Variants in NFIC observed in about 807,000 individuals in gnomAD.
The protein encoded by NFIC is nuclear factor 1 C-type.
Under a neutral mutation model 54.4 loss-of-function variants are expected in NFIC, and 12 were observed. The ratio of observed to expected loss-of-function variants is 0.22; its 90% CI spans 0.14 to 0.36. The LOEUF (loss-of-function observed/expected upper bound fraction) is 0.36. NFIC is among the 10% of genes least tolerant of loss of function. NFIC has a pLI of 1.00. For missense variants in NFIC, 575 were observed against 718.2 expected, an observed-to-expected ratio of 0.80 and a Z score of 2.28; for synonymous variants, 322 against 319.2, an observed-to-expected ratio of 1.01 and a Z score of -0.09.
rs183272975 is a variant in NFIC, at chr19:3,397,254, C to G, written c.562+15011C>G. Among the ~76,000 whole-genome samples the G allele has an allele frequency of 1.2e-4, 18 of 152,290 alleles. 1 individual carries two copies. Among genetic ancestry groups the G allele is most frequent in the Admixed American group, 1.1e-3 (17 of 15,292 alleles). On this transcript the variant is annotated intron_variant, in intron 2 of 10. Coordinates refer to ENST00000443272, the MANE Select transcript of NFIC (RefSeq NM_001245002.2). ...CCTAAGGTCACATAGCTAAGGAGCA[C>G]AGTCAGGATTTAAATCCAAGCCTGG...
chr19:3,439,780 C>T (rs1370576884), intron 6 of NFIC, among the ~76,000 whole-genome samples: 3 of 146,972 alleles, frequency 2.0e-5, no homozygotes, highest in Admixed American at 1.4e-4. Flanking sequence ...GCTCCGCCTC[C>T]CGGGTTCATG....
intron 1 of NFIC, among the ~76,000 whole-genome samples, chr19:3,381,022 G>A (rs938196516): frequency 6.6e-6 from 1 of 151,974 alleles, no homozygotes; most frequent in Non-Finnish European, 1.5e-5. Flanking sequence ...AGTTTTACCC[G>A]TCTGTACAAT....
intron 3 of NFIC, among the ~76,000 whole-genome samples, chr19:3,432,664 T>C (rs1050202841): frequency 6.9e-6 from 1 of 144,020 alleles, no homozygotes; most frequent in Non-Finnish European, 1.5e-5. Flanking sequence ...GCCTCCGCTT[T>C]CCGCTCTTTT....
At chr19:3,361,930 A>T (rs1486969912), upstream of NFIC, among the ~76,000 whole-genome samples, 1 of 152,130 alleles carries the variant, frequency 6.6e-6, no homozygotes, top group Non-Finnish European at 1.5e-5. Context: ...ACTCACATAG[A>T]CACACACAGG....
intron 1 of NFIC, among the ~76,000 whole-genome samples, chr19:3,381,010 TCA>T (rs2081196751): frequency 6.6e-6 from 1 of 151,862 alleles, no homozygotes; most frequent in East Asian, 2.0e-4. Context: ...TCTCCCAACC[TCA>T]GTTTTACCCG....
chr19:3,416,048 G>A (rs984300137), intron 2 of NFIC, among the ~76,000 whole-genome samples: 3 of 151,524 alleles, frequency 2.0e-5, no homozygotes, highest in African/African-American at 4.9e-5. Context: ...CTGTAGCCCC[G>A]GCTACTTGGG....
chr19:3,434,532 A>C, intron 5 of NFIC, 132 bp downstream of exon 5: 6 of 1,317,200 alleles, frequency 4.6e-6, no homozygotes, highest in Admixed American at 2.8e-5. Context: ...AGAAACTCCT[A>C]CTCATCTCAT....
intron 2 of NFIC, among the ~76,000 whole-genome samples, chr19:3,386,934 C>T (rs955346843): frequency 1.3e-5 from 2 of 152,212 alleles, no homozygotes; most frequent in Non-Finnish European, 2.9e-5. Flanking sequence ...GCGCTGATCC[C>T]AGTGGTTGTC....
intron 1 of NFIC, among the ~76,000 whole-genome samples, chr19:3,374,352 T>G (rs1210353497): frequency 3.9e-5 from 6 of 152,170 alleles, no homozygotes; most frequent in African/African-American, 1.4e-4. Context: ...CTTGTTCCCC[T>G]TCTCCCCATC....
At chr19:3,394,441 C>T (rs1034132055) in intron 2 of NFIC, among the ~76,000 whole-genome samples, 4 of 150,180 alleles carry the variant, frequency 2.7e-5, no homozygotes, top group African/African-American at 7.4e-5. Context: ...GATTGTGTCA[C>T]TGCATTCCAG....
In NFIC at chr19:3,453,845, G is replaced by A. The variant is rs774676706; in HGVS notation, c.1352G>A (p.Arg451Gln). 3.1e-5 allele frequency: 49 copies of A among 1,576,680 alleles called. No homozygotes were observed. The highest frequency in any genetic ancestry group is 1.7e-4 in the Middle Eastern group (1 of 6,040). ...MLAPPPPGLP[R>Q]LALPPATKPA... Reference sequence around the variant, plus strand: ...GCACCTCCGCCCCCGGGGCTGCCACGGCTGGCGCTCCCCCCTGCCACCAAA... The same window carrying A: ...GCACCTCCGCCCCCGGGGCTGCCACAGCTGGCGCTCCCCCCTGCCACCAAA... Residue 451 changes from arginine (R) to glutamine (Q), a missense_variant, in exon 9 of 11, where the codon CGG (arginine) becomes CAG (glutamine). By Grantham distance (43) the Arg-to-Gln change is conservative. Around this residue, in one of 3 missense-constraint regions of NFIC, gnomAD observed 447 missense variants for 526.9 expected, o/e 0.85. Coordinates refer to ENST00000443272, the MANE Select transcript of NFIC (RefSeq NM_001245002.2). This position sits in a 1 kb window ranked among gnomAD's most constrained non-coding sequence, Gnocchi z 6.7.
intron 3 of NFIC, among the ~76,000 whole-genome samples, chr19:3,430,798 G>C (rs1266638201): frequency 6.6e-6 from 1 of 151,880 alleles, no homozygotes; most frequent in East Asian, 2.0e-4. Context: ...CAGGCACTGT[G>C]GCAGGTACTT....
At position 3,409,433 on chromosome 19, in the gene NFIC, C is replaced by T. The variant is rs570256048; in HGVS notation, c.563-15673C>T. 1.1e-4 allele frequency among the ~76,000 whole-genome samples: 16 copies of T among 152,278 alleles called. No individual in the cohort carries two copies. In the East Asian group the frequency reaches 1.5e-3, roughly 15 times the overall value. On this transcript the variant is annotated intron_variant, in intron 2 of 10. Transcript: ENST00000443272. Reference sequence around the variant, plus strand: ...TCATTGCCTCCGTAGAACCTAGAACCGTGTGAAATGATCTGAGGCTTCCTC... The same window carrying T: ...TCATTGCCTCCGTAGAACCTAGAACTGTGTGAAATGATCTGAGGCTTCCTC...
chr19:3,395,745 A>G (rs1308818440), intron 2 of NFIC, among the ~76,000 whole-genome samples: 1 of 151,802 alleles, frequency 6.6e-6, no homozygotes, highest in African/African-American at 2.4e-5. Flanking sequence ...CAGTGGCGCA[A>G]TCTTGGCTCA....
rs556436506 is a variant in NFIC at position 3,375,501 on chromosome 19, G to A, written c.31-6211G>A. 3.8e-4 allele frequency among the ~76,000 whole-genome samples: 58 copies of A among 152,348 alleles called. No homozygotes were observed. The highest frequency in any genetic ancestry group is 1.3e-3 in the African/African-American group (53 of 41,590). On this transcript the variant is annotated intron_variant, in intron 1 of 10. Transcript: ENST00000443272. The surrounding 1 kb of genome is among the most constrained non-coding windows in gnomAD (Gnocchi z 4.6). Reference sequence around the variant, plus strand: ...CTCATCCAGTCAGGGGCAGGGACGAGATTGGACAGGGCCTGGGCCGGGCCC... The same window carrying A: ...CTCATCCAGTCAGGGGCAGGGACGAAATTGGACAGGGCCTGGGCCGGGCCC...
rs2082677303 is a variant in NFIC at position 3,463,813 on chromosome 19, G to A, written c.*1044G>A. On this transcript the variant is annotated 3_prime_UTR_variant, in exon 11 of 11. Coordinates refer to ENST00000443272, the MANE Select transcript of NFIC (RefSeq NM_001245002.2). ...AGCGCCCCCGTCAGCCCCTGGCGGT[G>A]GGAGGTGAGAGCGAGTGGTTTAAGT... 4 of 985,090 alleles carry A rather than the reference G, an allele frequency of 4.1e-6. No individual in the cohort carries two copies. The Admixed American group carries it at 2.5e-4, about 61-fold the overall frequency. 61.0% of individuals were successfully genotyped at this position (985,090 alleles called of 1,614,324 possible). A position where few individuals can be genotyped will look rare whatever the true frequency, so the allele number is the denominator to read the frequency against.
intron 2 of NFIC, among the ~76,000 whole-genome samples, chr19:3,398,820 T>C (rs1029756894): frequency 2.0e-5 from 3 of 152,148 alleles, no homozygotes; most frequent in Non-Finnish European, 4.4e-5. Flanking sequence ...AGCGCCCAGC[T>C]GGGGAGGGGG....
intron 1 of NFIC, among the ~76,000 whole-genome samples, chr19:3,379,227 T>G (rs929067034): frequency 5.3e-5 from 8 of 151,856 alleles, no homozygotes; most frequent in Admixed American, 4.6e-4. Flanking sequence ...GCCTGGCTAA[T>G]TTTTGTATTT....
chr19:3,427,908 G>A (rs1038159045), intron 3 of NFIC, among the ~76,000 whole-genome samples: 9 of 151,784 alleles, frequency 5.9e-5, no homozygotes, highest in East Asian at 3.9e-4. Flanking sequence ...GGGGGCTTAC[G>A]CCTGTAATCC....
Sources: allele counts gnomAD v4.1 joint callset (sites outside exome capture counted in the v4.1 genomes callset), GRCh38; gene constraint gnomAD v4.1.1; regional missense constraint gnomAD v4.1.1; non-coding constraint Gnocchi (gnomAD v3.1); transcripts MANE v1.5; gene names NCBI Gene and HGNC (gene_info 2026-07-23, HGNC 2026-07-21).